STK32C: variants seen among roughly 807,000 people sequenced by gnomAD.
STK32C encodes the protein serine/threonine kinase 32C.
STK32C carries 31 observed loss-of-function variants against 56.5 expected under a neutral mutation model. That is an observed-to-expected ratio of 0.55 (90% CI 0.41 to 0.74). STK32C has a LOEUF of 0.74. Ranked by LOEUF, STK32C falls within the 30% of genes least tolerant of loss-of-function variation. The pLI, the probability that STK32C is intolerant of heterozygous loss-of-function variation, is 0.00. For synonymous variants in STK32C, 309 were observed against 289.4 expected, an observed-to-expected ratio of 1.07 and a Z score of -0.69; for missense variants, 544 against 676.9, an observed-to-expected ratio of 0.80 and a Z score of 2.18.
chr10:132,227,633 T>C (rs538140737), intron 3 of STK32C, among the ~76,000 whole-genome samples: 1 of 151,932 alleles, frequency 6.6e-6, no homozygotes, highest in South Asian at 2.1e-4. Flanking sequence ...ATGGTGATGG[T>C]GATGACAGTG....
chr10:132,298,035 G>A (rs2065807171), intron 1 of STK32C, among the ~76,000 whole-genome samples: 1 of 152,236 alleles, frequency 6.6e-6, no homozygotes, highest in Admixed American at 6.5e-5. Context: ...TGGGGTTAGA[G>A]GTGGCTGAGA....
At chr10:132,311,974 A>G (rs1192428387), upstream of STK32C, among the ~76,000 whole-genome samples, 1 of 152,174 alleles carries the variant, frequency 6.6e-6, no homozygotes, top group African/African-American at 2.4e-5. The surrounding 1 kb of genome is among the most constrained non-coding windows in gnomAD (Gnocchi z 4.4). Context: ...CAAAGTCCCA[A>G]CCATTACAGC....
At chr10:132,225,931 T>C in intron 4 of STK32C, 147 bp from the exon 5 acceptor site, 1 of 1,043,182 alleles carries the variant, frequency 9.6e-7, no homozygotes, top group East Asian at 2.4e-5. Context: ...CCTTGGATGA[T>C]GCTAGGACCT....
chr10:132,246,892 G>A (rs548663260), intron 1 of STK32C, among the ~76,000 whole-genome samples: 54 of 152,240 alleles, frequency 3.5e-4, no homozygotes, highest in Admixed American at 7.8e-4. Flanking sequence ...CCCTAAGTCC[G>A]TGTCCCCAGG....
intron 2 of STK32C, among the ~76,000 whole-genome samples, chr10:132,237,349 A>G (rs966754489): frequency 6.6e-6 from 1 of 152,258 alleles, no homozygotes; most frequent in Non-Finnish European, 1.5e-5. Context: ...GGCAAGGACC[A>G]TGCACACGCC....
rs118000629 is a variant in STK32C at position 132,234,314 on chromosome 10, C to T, written c.319-6186G>A. Among the ~76,000 whole-genome samples the T allele has an allele frequency of 1.5e-3, 233 of 152,310 alleles. 1 individual carries two copies. Among genetic ancestry groups the T allele is most frequent in the Non-Finnish European group, 2.2e-3 (151 of 68,018 alleles). On this transcript the variant is annotated intron_variant, in intron 2 of 11. Coordinates refer to ENST00000298630, the MANE Select transcript of STK32C (RefSeq NM_173575.4). ...TCCCTTGTGTCCTCCTGACACTTCC[C>T]GATGCATCCCCGAGTTCTGGGAGGC... is the stretch of plus-strand genomic sequence containing the variant.
chr10:132,291,172 C>T (rs568248652), intron 1 of STK32C, among the ~76,000 whole-genome samples: 1 of 152,326 alleles, frequency 6.6e-6, no homozygotes, highest in Admixed American at 6.5e-5. Flanking sequence ...CCAATTAGCT[C>T]GGCGGTGGCT....
upstream of STK32C, among the ~76,000 whole-genome samples, chr10:132,309,343 ACATGCACCCG>A (rs1180531449): frequency 2.0e-4 from 30 of 151,880 alleles, no homozygotes; most frequent in African/African-American, 6.8e-4. Flanking sequence ...ACCCGCCTGG[ACATGCACCCG>A]CCTGGACATG....
At chr10:132,216,897 C>T (rs528091436) in intron 10 of STK32C, among the ~76,000 whole-genome samples, 36 of 152,204 alleles carry the variant, frequency 2.4e-4, no homozygotes, top group Non-Finnish European at 3.8e-4. Context: ...CCTGGATGTC[C>T]AGGCAGAAGT....
chr10:132,301,637 T>C (rs188935362), intron 1 of STK32C, among the ~76,000 whole-genome samples: 3 of 152,198 alleles, frequency 2.0e-5, no homozygotes, highest in Non-Finnish European at 4.4e-5. Flanking sequence ...AGAAGACAGA[T>C]GCCGCATCCC....
intron 2 of STK32C, among the ~76,000 whole-genome samples, chr10:132,238,274 C>T (rs993557805): frequency 6.6e-6 from 1 of 152,346 alleles, no homozygotes; most frequent in South Asian, 2.1e-4. Context: ...GGAGATGCCC[C>T]TTGCTTTAAA....
chr10:132,222,651 C>T lies in STK32C; in HGVS notation c.1241G>A (p.Ser414Asn), dbSNP rs1260397600. 2 of 1,612,658 alleles carry T rather than the reference C, an allele frequency of 1.2e-6. No homozygotes were observed. Among genetic ancestry groups the T allele is most frequent in the African/African-American group, 1.3e-5 (1 of 75,056 alleles). ...TGCCCTGGCACTCACGGACTGGGAG[C>T]TGTCCCTGCTGTTGTCCCGGGACTT... ...KNKSRDNSRDSSQSENDYLQD... is the reference protein window; with the variant it reads ...KNKSRDNSRDNSQSENDYLQD... The change falls in exon 10 of 12, where the codon AGC (serine) becomes AAC (asparagine). Residue 414 changes from serine to asparagine, a missense_variant. Physicochemically the swap from Ser to Asn is conservative, Grantham distance 46. Coordinates refer to ENST00000298630, the MANE Select transcript of STK32C (RefSeq NM_173575.4).
chr10:132,295,080 C>T (rs922463968), intron 1 of STK32C, among the ~76,000 whole-genome samples: 2 of 152,216 alleles, frequency 1.3e-5, no homozygotes, highest in Admixed American at 6.5e-5. Flanking sequence ...TCAATTCACA[C>T]GCCCACCGGC....
At chr10:132,215,177 C>G (rs1045353778) in intron 10 of STK32C, among the ~76,000 whole-genome samples, 13 of 152,140 alleles carry the variant, frequency 8.5e-5, no homozygotes, top group African/African-American at 3.1e-4. Flanking sequence ...TCCCACCACA[C>G]CCAGATAATT....
At chr10:132,220,160 T>C (rs1464245747) in intron 10 of STK32C, among the ~76,000 whole-genome samples, 1 of 152,262 alleles carries the variant, frequency 6.6e-6, no homozygotes, top group Non-Finnish European at 1.5e-5. Flanking sequence ...GGGGCCATAC[T>C]GGATCAGGGT....
At chr10:132,232,697 T>G (rs1231695979) in intron 2 of STK32C, among the ~76,000 whole-genome samples, 1 of 151,912 alleles carries the variant, frequency 6.6e-6, no homozygotes. Flanking sequence ...AGCCCTGGGC[T>G]TTTCCTATGA....
chr10:132,242,535 TC>T (rs920518529), intron 2 of STK32C, among the ~76,000 whole-genome samples: 2 of 150,862 alleles, frequency 1.3e-5, no homozygotes, highest in African/African-American at 4.9e-5. Flanking sequence ...AGAGGGACCC[TC>T]CCCCGGGAGA....
intron 1 of STK32C, among the ~76,000 whole-genome samples, chr10:132,267,626 C>T (rs1327759693): frequency 7.1e-6 from 1 of 141,260 alleles, no homozygotes; most frequent in African/African-American, 2.8e-5. Context: ...CAGCTCTATG[C>T]CTGTCTGTGT....
At chr10:132,231,405 T>C (rs1590197698) in intron 2 of STK32C, among the ~76,000 whole-genome samples, 1 of 152,210 alleles carries the variant, frequency 6.6e-6, no homozygotes, top group East Asian at 1.9e-4. Flanking sequence ...TCCCGAGTCT[T>C]TGGGCTCTGT....
Sources: gnomAD v4.1 joint callset for allele counts (sites outside exome capture counted in the v4.1 genomes callset) on GRCh38, gnomAD v4.1.1 for gene constraint, Gnocchi (gnomAD v3.1) non-coding constraint, MANE v1.5 for transcripts, NCBI Gene and HGNC (gene_info 2026-07-23, HGNC 2026-07-21) for gene names.